Variants in KCNH7 observed in about 807,000 individuals in gnomAD.
KCNH7 encodes the protein potassium voltage-gated channel subfamily H member 7.
A neutral mutation model predicts 120.8 loss-of-function variants in KCNH7; 49 were observed. The observed-to-expected ratio is 0.41, with a 90% CI of 0.32 to 0.51. The LOEUF is 0.51. Among genes scored for constraint, KCNH7 ranks in the 20% least tolerant of loss-of-function variants. The pLI, the probability that KCNH7 is intolerant of heterozygous loss-of-function variation, is 0.38. For missense variants in KCNH7, 1,097 were observed against 1,446.6 expected (o/e 0.76, Z 3.92); for synonymous variants, 547 against 516.1 (o/e 1.06, Z -0.81).
intron 2 of KCNH7, among the ~76,000 whole-genome samples, chr2:162,587,886 T>C (rs1172770289): frequency 6.6e-6 from 1 of 151,974 alleles, no homozygotes; most frequent in Non-Finnish European, 1.5e-5. Flanking sequence ...ACATAATGAG[T>C]CAGTATATAT....
chr2:162,701,037 C>T (rs1034759278), intron 2 of KCNH7, among the ~76,000 whole-genome samples: 14 of 152,094 alleles, frequency 9.2e-5, no homozygotes, highest in African/African-American at 3.1e-4. Flanking sequence ...TAATCAGATG[C>T]TGTTTATAAG....
intron 9 of KCNH7, among the ~76,000 whole-genome samples, chr2:162,403,832 G>C (rs1324632916): frequency 6.6e-6 from 1 of 151,932 alleles, no homozygotes; most frequent in Admixed American, 6.6e-5. Context: ...AGCAGCTCTA[G>C]GATCTGGGTT....
chr2:162,730,159 T>G (rs947123498), intron 2 of KCNH7, among the ~76,000 whole-genome samples: 1 of 149,316 alleles, frequency 6.7e-6, no homozygotes, highest in Non-Finnish European at 1.5e-5. Flanking sequence ...TGAAAAAAGA[T>G]GAAAAATATG....
chr2:162,604,354 A>G (rs1694659810), intron 2 of KCNH7, among the ~76,000 whole-genome samples: 1 of 152,046 alleles, frequency 6.6e-6, no homozygotes, highest in Non-Finnish European at 1.5e-5. Context: ...GGAGTTCTAA[A>G]ATTAAAAAAA....
intron 2 of KCNH7, among the ~76,000 whole-genome samples, chr2:162,609,088 A>T (rs1682875445): frequency 6.6e-6 from 1 of 152,142 alleles, no homozygotes; most frequent in Admixed American, 6.6e-5. Flanking sequence ...GCAGTTTTCA[A>T]GGTTTTGCTG....
At chr2:162,394,967 T>G (rs969717595) in intron 11 of KCNH7, among the ~76,000 whole-genome samples, 1 of 151,842 alleles carries the variant, frequency 6.6e-6, no homozygotes, top group African/African-American at 2.4e-5. Context: ...ATGAAGATGA[T>G]GAGATGATGA....
intron 2 of KCNH7, among the ~76,000 whole-genome samples, chr2:162,647,165 A>G (rs920214303): frequency 5.9e-5 from 9 of 152,198 alleles, no homozygotes; most frequent in Admixed American, 5.2e-4. Context: ...CATGGGTGTC[A>G]TGTTAATTAG....
intron 2 of KCNH7, among the ~76,000 whole-genome samples, chr2:162,587,314 A>G (rs1694052649): frequency 6.6e-6 from 1 of 152,092 alleles, no homozygotes; most frequent in African/African-American, 2.4e-5. Context: ...GACGCAAACA[A>G]AACTTTTAGA....
At chr2:162,761,389 T>C (rs1236239734) in intron 2 of KCNH7, among the ~76,000 whole-genome samples, 1 of 152,082 alleles carries the variant, frequency 6.6e-6, no homozygotes, top group African/African-American at 2.4e-5. Flanking sequence ...CCCGAACATA[T>C]GATGAGATTA....
At chr2:162,507,836 T>A (rs1690935577) in intron 5 of KCNH7, among the ~76,000 whole-genome samples, 1 of 151,546 alleles carries the variant, frequency 6.6e-6, no homozygotes, top group Admixed American at 6.6e-5. Flanking sequence ...TATAAATAAG[T>A]CTGATATAAT....
chr2:162,670,434 C>G (rs1685305729), intron 2 of KCNH7, among the ~76,000 whole-genome samples: 2 of 142,350 alleles, frequency 1.4e-5, no homozygotes, highest in Non-Finnish European at 3.0e-5. Flanking sequence ...GATCATACCA[C>G]TCCACTCCAG....
chr2:162,411,963 ACAAAC>A (rs1417140735), intron 9 of KCNH7, among the ~76,000 whole-genome samples: 3 of 151,958 alleles, frequency 2.0e-5, no homozygotes. Flanking sequence ...ACAGACCAGA[ACAAAC>A]CAAATTAAAT....
intron 2 of KCNH7, among the ~76,000 whole-genome samples, chr2:162,821,444 A>G (rs1339517868): frequency 6.6e-6 from 1 of 152,236 alleles, no homozygotes; most frequent in East Asian, 1.9e-4. Flanking sequence ...GTCTTTGTCT[A>G]CACAGTAAAC....
intron 2 of KCNH7, among the ~76,000 whole-genome samples, chr2:162,761,924 T>C (rs550273877): frequency 2.6e-5 from 4 of 152,220 alleles, no homozygotes; most frequent in Admixed American, 6.6e-5. Context: ...ATTCTCCTAA[T>C]AAGTCTCAAC....
At chr2:162,715,426 T>C (rs1055382867) in intron 2 of KCNH7, among the ~76,000 whole-genome samples, 4 of 152,154 alleles carry the variant, frequency 2.6e-5, no homozygotes, top group Non-Finnish European at 5.9e-5. Context: ...GATAATACAA[T>C]TCATCATGAG....
chr2:162,793,080 A>G (rs780983193), intron 2 of KCNH7, among the ~76,000 whole-genome samples: 15 of 151,932 alleles, frequency 9.9e-5, no homozygotes, highest in Non-Finnish European at 1.9e-4. Flanking sequence ...TATTTACCCA[A>G]TGTGGTACAT....
chr2:162,420,517 A>G (rs1427916633), intron 9 of KCNH7, among the ~76,000 whole-genome samples: 2 of 152,348 alleles, frequency 1.3e-5, no homozygotes, highest in African/African-American at 2.4e-5. Context: ...TTGTTCCCAC[A>G]GTGCTTTAAG....
intron 2 of KCNH7, among the ~76,000 whole-genome samples, chr2:162,708,603 A>G (rs1295077126): frequency 6.6e-6 from 1 of 152,018 alleles, no homozygotes; most frequent in Non-Finnish European, 1.5e-5. Flanking sequence ...AAGTGAAAGG[A>G]TTTAGGGGTG....
intron 4 of KCNH7, among the ~76,000 whole-genome samples, chr2:162,517,256 C>A (rs548838384): frequency 2.6e-5 from 4 of 151,816 alleles, no homozygotes; most frequent in South Asian, 2.1e-4. Flanking sequence ...CTACCTTGCA[C>A]CCCTGTCAGC....
Sources: allele counts gnomAD v4.1 joint callset (sites outside exome capture counted in the v4.1 genomes callset), GRCh38; gene constraint gnomAD v4.1.1; transcripts MANE v1.5; gene names NCBI Gene and HGNC (gene_info 2026-07-23, HGNC 2026-07-21).